Variants in CCT2 observed in about 807,000 individuals in gnomAD.
CCT2 encodes the protein T-complex protein 1 subunit beta.
Under a neutral mutation model 61.8 loss-of-function variants are expected in CCT2, and 18 were observed. That is an observed-to-expected ratio of 0.29 (90% CI 0.20 to 0.43). The LOEUF is 0.43. Ranked by LOEUF, CCT2 falls within the 20% of genes least tolerant of loss-of-function variation. The probability of loss-of-function intolerance (pLI) is 1.00; values close to 1 mark genes in which losing one functional copy is unlikely to be tolerated. For synonymous variants in CCT2, 248 were observed against 215.9 expected (o/e 1.15, Z -1.30); for missense variants, 556 against 656.9 (o/e 0.85, Z 1.68).
intron 4 of CCT2, 126 bp downstream of exon 4, chr12:69,587,742 CGTT>C (rs1417271840): frequency 1.3e-5 from 10 of 742,454 alleles, no homozygotes; most frequent in East Asian, 5.4e-5. Flanking sequence ...TGTTAATTAT[CGTT>C]GTTAAAATAC....
intron 11 of CCT2, 25 bp from the exon 12 acceptor site, chr12:69,597,613 T>G: frequency 3.1e-6 from 5 of 1,607,402 alleles, no homozygotes; most frequent in Non-Finnish European, 4.2e-6. Context: ...TATCCCTAAG[T>G]GGTCACTGTG....
intron 9 of CCT2, 38 bp downstream of exon 9, chr12:69,593,141 A>G (rs1416435515): frequency 6.4e-7 from 1 of 1,571,144 alleles, no homozygotes. Context: ...TTTTTCCATG[A>G]AAGTTTATGG....
rs368079574 is a variant in CCT2 at position 69,589,489 on chromosome 12, G to A, written c.451G>A (p.Asp151Asn). The change falls in exon 7 of 16, where the codon GAT (aspartate) becomes AAT (asparagine). Residue 151 changes from aspartate to asparagine, a missense_variant. Asp to Asn is a conservative substitution (Grantham distance 23). Transcript: ENST00000299300. ...TATTTGGTTGGTTTTATTTAGTTCC[G>A]ATGAAGTTAAATTCCGTCAAGATTT... ...LLSSAVDHGS[D>N]EVKFRQDLMN... 1.1e-4 allele frequency: 171 copies of A among 1,613,252 alleles called. No individual in the cohort carries two copies. The highest frequency in any genetic ancestry group is 1.6e-4 in the Middle Eastern group (1 of 6,082).
chr12:69,586,287 A>G lies in CCT2; in HGVS notation c.21A>G (p.Ala7=), dbSNP rs1221282773. The G allele has an allele frequency of 6.2e-7, 1 of 1,613,572 alleles. No homozygotes were observed. Among genetic ancestry groups the G allele is most frequent in the East Asian group, 2.2e-5 (1 of 44,870 alleles). The change falls in exon 2 of 16, where the codon GCA becomes GCG. Residue 7 remains alanine (A), a synonymous_variant. Coordinates refer to ENST00000299300, the MANE Select transcript of CCT2 (RefSeq NM_006431.3). ...CTTTTCAGGCGTCCCTTTCCCTTGC[A>G]CCTGTTAACATCTTTAAGGCAGGAG... The part of the protein sequence containing the change: MASLSL[A]PVNIFKAGAD...
intron 7 of CCT2, among the ~76,000 whole-genome samples, chr12:69,590,719 CTT>C (rs3970807): frequency 1.9e-4 from 27 of 140,008 alleles, no homozygotes; most frequent in Admixed American, 2.2e-4. Flanking sequence ...TGTAGCATTT[CTT>C]TTTTTTTTTT....
intron 10 of CCT2, among the ~76,000 whole-genome samples, chr12:69,594,606 C>T (rs1323104448): frequency 6.6e-6 from 1 of 152,112 alleles, no homozygotes; most frequent in Non-Finnish European, 1.5e-5. Context: ...CTTGTAATCC[C>T]AGTGCTTTGA....
At position 69,593,118 on chromosome 12, in the gene CCT2, T is replaced by C. The variant is rs1483577227; in HGVS notation, c.878+15T>C. 1 of 1,599,658 alleles carries C rather than the reference T, an allele frequency of 6.3e-7. No homozygotes were observed. The highest frequency in any genetic ancestry group is 8.5e-7 in the Non-Finnish European group (1 of 1,173,784). On this transcript the variant is annotated intron_variant, in intron 9 of 15. Transcript: ENST00000299300. Reference sequence around the variant, plus strand: ...TTTATTAACAGGTCTGTGTTTGCTTTTAAGAAAGGATTTTTTTCCATGAAA... The same window carrying C: ...TTTATTAACAGGTCTGTGTTTGCTTCTAAGAAAGGATTTTTTTCCATGAAA...
intron 4 of CCT2, 25 bp from the exon 5 acceptor site, chr12:69,587,905 G>T (rs1243048851): frequency 1.3e-6 from 2 of 1,560,746 alleles, no homozygotes; most frequent in African/African-American, 2.7e-5. Context: ...GCAATTTTGA[G>T]TTAATAACTA....
chr12:69,595,177 G>C (rs1432777156), intron 10 of CCT2, among the ~76,000 whole-genome samples: 1 of 152,050 alleles, frequency 6.6e-6, no homozygotes, highest in Non-Finnish European at 1.5e-5. Flanking sequence ...GAGTGGACTT[G>C]GTCTCATCCC....
intron 14 of CCT2, 75 bp downstream of exon 14, chr12:69,598,496 A>G: frequency 1.1e-6 from 1 of 874,018 alleles, no homozygotes; most frequent in Non-Finnish European, 1.8e-6. Context: ...TTCTTTTGGA[A>G]CATAAAGAGT....
At chr12:69,594,646 C>T (rs923742281) in intron 10 of CCT2, among the ~76,000 whole-genome samples, 1 of 152,042 alleles carries the variant, frequency 6.6e-6, no homozygotes, top group African/African-American at 2.4e-5. Flanking sequence ...TGCTTGAAGC[C>T]AGGAGTTCAA....
chr12:69,587,447 C>T (rs1881699199), intron 3 of CCT2, 58 bp from the exon 4 acceptor site: 2 of 930,686 alleles, frequency 2.1e-6, no homozygotes, highest in African/African-American at 1.6e-5. Flanking sequence ...ACTGATTGAT[C>T]CATGCATTCT....
chr12:69,589,282 C>CTTTTTTTT, intron 6 of CCT2: 1 of 540,962 alleles, frequency 1.8e-6, no homozygotes, highest in African/African-American at 1.9e-5. Flanking sequence ...CCCCACCCCT[C>CTTTTTTTT]TTTTTTTTTT....
chr12:69,595,051 G>A (rs1210644527), intron 10 of CCT2, among the ~76,000 whole-genome samples: 1 of 121,050 alleles, frequency 8.3e-6, no homozygotes, highest in Admixed American at 9.0e-5. Context: ...TGGAAAGTTG[G>A]TTTGGGAATG....
At position 69,600,306 on chromosome 12, in the gene CCT2, G is replaced by A. The variant is rs191587865; in HGVS notation, c.1577+302G>A. On this transcript the variant is annotated intron_variant, in intron 15 of 15. Coordinates refer to ENST00000299300, the MANE Select transcript of CCT2 (RefSeq NM_006431.3). Reference sequence around the variant, plus strand: ...TCTATTGTCTTTAAACAGAATGATAGCAAAAGGAAACTGAGTTCTGTAACT... The same window carrying A: ...TCTATTGTCTTTAAACAGAATGATAACAAAAGGAAACTGAGTTCTGTAACT... 9.0e-4 allele frequency among the ~76,000 whole-genome samples: 137 copies of A among 152,272 alleles called. 1 individual carries two copies. Among genetic ancestry groups the A allele is most frequent in the African/African-American group, 2.7e-3 (114 of 41,550 alleles).
At chr12:69,593,885 C>T (rs567359461) in intron 10 of CCT2, among the ~76,000 whole-genome samples, 35 of 152,178 alleles carry the variant, frequency 2.3e-4, no homozygotes, top group Admixed American at 4.6e-4. Flanking sequence ...TGCCTGTAAT[C>T]CCAGCACTTT....
chr12:69,585,482 CTGTGAGGGGATTCACT>C lies in CCT2; in HGVS notation c.-35_-20del. 1 of 1,557,624 alleles carries C rather than the reference CTGTGAGGGGATTCACT, an allele frequency of 6.4e-7. No homozygotes were observed. The highest frequency in any genetic ancestry group is 8.7e-7 in the Non-Finnish European group (1 of 1,149,782). On this transcript the variant is annotated 5_prime_UTR_variant, in exon 1 of 16. Coordinates refer to ENST00000299300, the MANE Select transcript of CCT2 (RefSeq NM_006431.3). ...TCAGTCCGCTGGTCCCGAGCACGAG[CTGTGAGGGGATTCACT>C]TGTGTGCGGAACTCCTCGGAACCAT...
At chr12:69,586,666 TC>T (rs1881671848) in intron 2 of CCT2, 86 bp from the exon 3 acceptor site, 3 of 903,700 alleles carry the variant, frequency 3.3e-6, no homozygotes, top group Admixed American at 2.5e-5. Context: ...ACACTCTGCC[TC>T]AAAAAAAAAA....
chr12:69,595,907 C>T (rs893201567), intron 10 of CCT2, among the ~76,000 whole-genome samples: 3 of 152,118 alleles, frequency 2.0e-5, no homozygotes, highest in Non-Finnish European at 4.4e-5. Context: ...TTGCAAGTGT[C>T]ATTAAATAAA....
Sources: gnomAD v4.1 joint callset for allele counts (sites outside exome capture counted in the v4.1 genomes callset) on GRCh38, gnomAD v4.1.1 for gene constraint, MANE v1.5 for transcripts, NCBI Gene and HGNC (gene_info 2026-07-23, HGNC 2026-07-21) for gene names.